Variants in SUCLG2 observed in about 807,000 individuals in gnomAD.
The protein encoded by SUCLG2 is succinate-CoA ligase GDP-forming subunit beta.
A neutral mutation model predicts 47.9 loss-of-function variants in SUCLG2; 42 were observed. The observed-to-expected ratio is 0.88, with a 90% CI of 0.69 to 1.14. SUCLG2 has a LOEUF of 1.14. SUCLG2 is among the 50% of genes most tolerant of loss of function. The pLI, the probability that SUCLG2 is intolerant of heterozygous loss-of-function variation, is 0.00. For synonymous variants in SUCLG2, 195 were observed against 197.3 expected, an observed-to-expected ratio of 0.99 and a Z score of 0.10; for missense variants, 571 against 525.9, an observed-to-expected ratio of 1.09 and a Z score of -0.84.
At chr3:67,596,370 GAGAA>G (rs774785029) in intron 2 of SUCLG2, among the ~76,000 whole-genome samples, 12 of 152,272 alleles carry the variant, frequency 7.9e-5, no homozygotes, top group African/African-American at 2.4e-4. Context: ...TGAGAGCCAG[GAGAA>G]AGAAAGAAAG....
chr3:67,626,844 G>A (rs1055836820), intron 1 of SUCLG2, among the ~76,000 whole-genome samples: 13 of 150,514 alleles, frequency 8.6e-5, no homozygotes, highest in African/African-American at 3.2e-4. Context: ...AACCCCGGAG[G>A]CGGAGCTTGC....
At chr3:67,420,412 A>G (rs984729771) in intron 9 of SUCLG2, among the ~76,000 whole-genome samples, 28 of 152,346 alleles carry the variant, frequency 1.8e-4, no homozygotes, top group African/African-American at 6.5e-4. Flanking sequence ...GTATATTGGC[A>G]AATTATATTT....
At chr3:67,492,566 CT>C (rs1705230411) in intron 9 of SUCLG2, among the ~76,000 whole-genome samples, 1 of 152,036 alleles carries the variant, frequency 6.6e-6, no homozygotes, top group Non-Finnish European at 1.5e-5. Flanking sequence ...GCTTAGAATT[CT>C]TTAAATCAAA....
At chr3:67,368,725 C>A (rs1321182519) in intron 10 of SUCLG2, among the ~76,000 whole-genome samples, 2 of 152,124 alleles carry the variant, frequency 1.3e-5, no homozygotes, top group Non-Finnish European at 2.9e-5. Context: ...CCTACCTCAG[C>A]CTCCCAAGTA....
chr3:67,463,759 T>C (rs947765163), intron 9 of SUCLG2, among the ~76,000 whole-genome samples: 5 of 152,176 alleles, frequency 3.3e-5, no homozygotes, highest in African/African-American at 1.2e-4. Flanking sequence ...AGGCCCTGGC[T>C]TTGGTAACCA....
At chr3:67,374,543 A>C (rs1395255269), downstream of SUCLG2, among the ~76,000 whole-genome samples, 1 of 152,116 alleles carries the variant, frequency 6.6e-6, no homozygotes, top group Non-Finnish European at 1.5e-5. Context: ...TGGATTCAAT[A>C]ATCTCCTAAC....
intron 6 of SUCLG2, among the ~76,000 whole-genome samples, chr3:67,515,939 T>G (rs1705932369): frequency 6.6e-6 from 1 of 152,084 alleles, no homozygotes; most frequent in South Asian, 2.1e-4. Context: ...GATCAACCTC[T>G]CTCTCCCTCT....
At chr3:67,511,233 A>T (rs1159215068) in intron 6 of SUCLG2, among the ~76,000 whole-genome samples, 1 of 152,202 alleles carries the variant, frequency 6.6e-6, no homozygotes, top group Non-Finnish European at 1.5e-5. Context: ...ACTCCTAAAA[A>T]GTGAAAATTA....
chr3:67,581,173 T>C (rs1707869372), intron 2 of SUCLG2, among the ~76,000 whole-genome samples: 1 of 152,228 alleles, frequency 6.6e-6, no homozygotes, highest in Non-Finnish European at 1.5e-5. Context: ...ACTGCGCATG[T>C]CACCAACGCT....
rs1065401 is a variant in SUCLG2, at chr3:67,375,387, A to T, written c.*357T>A. The T allele has an allele frequency of 3.2e-4, 320 of 993,846 alleles. 1 individual carries two copies. In the African/African-American group the frequency reaches 5.1e-3, roughly 16 times the overall value. The allele number at this position is 993,846 out of a possible 1,614,324, so 61.6% of individuals were successfully genotyped here. On this transcript the variant is annotated 3_prime_UTR_variant, in exon 11 of 11. Coordinates refer to ENST00000307227, the MANE Select transcript of SUCLG2 (RefSeq NM_003848.4). The stretch of plus-strand genomic sequence containing the variant: ...TTTTTCTTTTTCATTATGTAGGATT[A>T]GATGCCCACCAAAATTCTTGTAAAT...
intron 1 of SUCLG2, among the ~76,000 whole-genome samples, chr3:67,611,936 C>T (rs966482745): frequency 1.4e-4 from 22 of 152,302 alleles, no homozygotes; most frequent in Admixed American, 3.3e-4. Context: ...CCACTGATGA[C>T]ACCCGGCTAT....
chr3:67,393,495 G>C (rs936242969), intron 10 of SUCLG2, among the ~76,000 whole-genome samples: 3 of 152,224 alleles, frequency 2.0e-5, no homozygotes, highest in Admixed American at 6.5e-5. Flanking sequence ...GCCCAGGCTT[G>C]CTTACGTAAA....
intron 7 of SUCLG2, among the ~76,000 whole-genome samples, chr3:67,505,947 G>A (rs866863202): frequency 6.6e-6 from 1 of 152,102 alleles, no homozygotes; most frequent in Middle Eastern, 3.4e-3. Context: ...TGGCGACAGA[G>A]TGAGACCCTG....
chr3:67,456,040 T>C (rs55736134), intron 9 of SUCLG2, among the ~76,000 whole-genome samples: 4,066 of 145,462 alleles, frequency 0.028, 112 homozygotes, highest in African/African-American at 0.075. Flanking sequence ...GCAGAGACTA[T>C]TGGGATACCA....
intron 9 of SUCLG2, among the ~76,000 whole-genome samples, chr3:67,430,848 C>G (rs1031413650): frequency 6.6e-6 from 1 of 152,112 alleles, no homozygotes; most frequent in African/African-American, 2.4e-5. Flanking sequence ...ACTAGAAAAT[C>G]TAGAAGAAAT....
At chr3:67,590,550 C>A (rs1488038947) in intron 2 of SUCLG2, among the ~76,000 whole-genome samples, 1 of 152,078 alleles carries the variant, frequency 6.6e-6, no homozygotes, top group Non-Finnish European at 1.5e-5. Context: ...GACTATGGCA[C>A]CTCCCACCTC....
chr3:67,517,445 A>C (rs1705974334), intron 6 of SUCLG2, among the ~76,000 whole-genome samples: 1 of 152,146 alleles, frequency 6.6e-6, no homozygotes, highest in Non-Finnish European at 1.5e-5. Context: ...ACATACACAC[A>C]ATCTAGGGCC....
intron 9 of SUCLG2, among the ~76,000 whole-genome samples, chr3:67,479,114 C>T (rs948518115): frequency 2.6e-5 from 4 of 152,058 alleles, no homozygotes; most frequent in Admixed American, 2.6e-4. Flanking sequence ...GAAGAAACAG[C>T]AATGAAGTCT....
chr3:67,382,512 G>C (rs1367002266), intron 10 of SUCLG2, among the ~76,000 whole-genome samples: 1 of 152,180 alleles, frequency 6.6e-6, no homozygotes, highest in African/African-American at 2.4e-5. Flanking sequence ...GGGCTGGCAA[G>C]TTCTAGTTTT....
Sources: gnomAD v4.1 joint callset for allele counts (sites outside exome capture counted in the v4.1 genomes callset) on GRCh38, gnomAD v4.1.1 for gene constraint, MANE v1.5 for transcripts, NCBI Gene and HGNC (gene_info 2026-07-23, HGNC 2026-07-21) for gene names.